JAK2: variants seen among roughly 807,000 people sequenced by gnomAD.
JAK2 encodes the protein tyrosine-protein kinase JAK2.
A neutral mutation model predicts 139.3 loss-of-function variants in JAK2; 86 were observed. The observed-to-expected ratio is 0.62, with a 90% confidence interval of 0.52 to 0.74. JAK2 has a LOEUF of 0.74. Ranked by LOEUF, JAK2 falls within the 30% of genes least tolerant of loss-of-function variation. The pLI is 0.00. For missense variants in JAK2, 1,421 were observed against 1,360.3 expected, an observed-to-expected ratio of 1.04 and a Z score of -0.70; for synonymous variants, 490 against 437.7, an observed-to-expected ratio of 1.12 and a Z score of -1.49.
rs1237995007 is a variant in JAK2, at chr9:5,099,416, G to C, written c.3059+8505G>C. 3 of 152,082 alleles carry C rather than the reference G, an allele frequency of 2.0e-5. No homozygotes were observed. In the East Asian group the frequency reaches 5.8e-4, roughly 29 times the overall value. 9.4% of individuals were successfully genotyped at this position (152,082 alleles called of 1,614,324 possible). ...CTCTCTGCAGTGAATGCCTCAACTAGATACTTCCACATGATCCATTATTAT... is the reference window on the plus strand; with the variant it reads ...CTCTCTGCAGTGAATGCCTCAACTACATACTTCCACATGATCCATTATTAT... On this transcript the variant is annotated intron_variant, in intron 22 of 24. Coordinates refer to ENST00000381652, the MANE Select transcript of JAK2 (RefSeq NM_004972.4).
At chr9:5,119,336 C>T (rs1158413303) in intron 22 of JAK2, among the ~76,000 whole-genome samples, 2 of 151,818 alleles carry the variant, frequency 1.3e-5, no homozygotes, top group African/African-American at 4.8e-5. Context: ...GAAGCATATC[C>T]AGAGGTCCTC....
intron 22 of JAK2, among the ~76,000 whole-genome samples, chr9:5,120,301 G>T (rs1185220220): frequency 1.3e-5 from 2 of 152,190 alleles, no homozygotes; most frequent in African/African-American, 4.8e-5. Context: ...TCTCTTAAAG[G>T]CCCCACCTGT....
Position 5,085,753 on chromosome 9 carries a change from C to T in JAK2, c.2571+3892C>T, listed in dbSNP as rs963974826. The T allele has an allele frequency of 2.4e-5, 18 of 755,140 alleles. No individual in the cohort carries two copies. In the Admixed American group the frequency reaches 3.0e-4, roughly 12 times the overall value. 46.8% of individuals were successfully genotyped at this position (755,140 alleles called of 1,614,324 possible). ...ATTAAGGCTGTGGCGCGCTGGCTAG[C>T]TTGCACATGTCGGGAGTTATTATGA... On this transcript the variant is annotated intron_variant, in intron 19 of 24. Transcript: ENST00000381652.
At chr9:5,007,724 T>C (rs1370635277) in intron 2 of JAK2, among the ~76,000 whole-genome samples, 1 of 147,394 alleles carries the variant, frequency 6.8e-6, no homozygotes, top group Non-Finnish European at 1.5e-5. Flanking sequence ...TATTATATTG[T>C]CTTTTTTTTT....
chr9:5,059,516 A>G (rs1367369678), intron 8 of JAK2, among the ~76,000 whole-genome samples: 1 of 152,144 alleles, frequency 6.6e-6, no homozygotes, highest in Non-Finnish European at 1.5e-5. Flanking sequence ...TAAATTTACC[A>G]TGAACATTCT....
chr9:5,116,810 T>C (rs1823225222), intron 22 of JAK2, among the ~76,000 whole-genome samples: 1 of 152,200 alleles, frequency 6.6e-6, no homozygotes, highest in Admixed American at 6.5e-5. Flanking sequence ...CCATAGTCCC[T>C]TCAAGAGCTC....
At chr9:5,060,786 G>T (rs1398174853) in intron 8 of JAK2, among the ~76,000 whole-genome samples, 9 of 152,114 alleles carry the variant, frequency 5.9e-5, no homozygotes, top group Admixed American at 5.9e-4. Context: ...ATCAAGAATG[G>T]TGAATCCTTT....
intron 22 of JAK2, among the ~76,000 whole-genome samples, chr9:5,116,037 TC>T (rs1823136496): frequency 6.6e-6 from 1 of 151,872 alleles, no homozygotes; most frequent in African/African-American, 2.4e-5. Context: ...TGCACATGTA[TC>T]CCAAAACTTA....
intron 23 of JAK2, among the ~76,000 whole-genome samples, chr9:5,125,529 A>C (rs1337013007): frequency 6.6e-6 from 1 of 151,380 alleles, no homozygotes; most frequent in Non-Finnish European, 1.5e-5. Context: ...CTTAGAATAA[A>C]AGTATAAGTA....
chr9:4,986,356 G>C (rs1304718699), intron 2 of JAK2, among the ~76,000 whole-genome samples: 1 of 152,194 alleles, frequency 6.6e-6, no homozygotes. Context: ...AGCAATAAGA[G>C]ATAGCTTTTG....
At chr9:5,070,877 G>A (rs571259577) in intron 12 of JAK2, among the ~76,000 whole-genome samples, 21 of 152,168 alleles carry the variant, frequency 1.4e-4, no homozygotes, top group African/African-American at 4.8e-4. Flanking sequence ...AATTTAAAAG[G>A]GCCAGGTCTC....
At chr9:5,025,759 T>G (rs1288041182) in intron 3 of JAK2, among the ~76,000 whole-genome samples, 3 of 152,178 alleles carry the variant, frequency 2.0e-5, no homozygotes, top group Non-Finnish European at 4.4e-5. Context: ...CTCAAACTCC[T>G]GACTTCAGGT....
In JAK2 at chr9:5,054,746, C is replaced by T. The variant is rs746680840; in HGVS notation, c.798C>T (p.Tyr266=). Residue 266 remains tyrosine, a synonymous_variant, in exon 7 of 25, where the codon TAC becomes TAT. Transcript: ENST00000381652. The surrounding 1 kb of genome is among the most constrained non-coding windows in gnomAD (Gnocchi z 4.9). ...TGGAAACTCTGCAGTCTGCCTTCTA[C>T]ACAGAGAAATTTGAAGTAAAAGAAC... ...INLETLQSAF[Y]TEKFEVKEPG... 2 of 1,613,254 alleles carry T rather than the reference C, an allele frequency of 1.2e-6. No individual in the cohort carries two copies. Among genetic ancestry groups the T allele is most frequent in the East Asian group, 2.2e-5 (1 of 44,854 alleles).
intron 2 of JAK2, among the ~76,000 whole-genome samples, chr9:5,003,626 C>T (rs1436609113): frequency 6.6e-6 from 1 of 152,082 alleles, no homozygotes; most frequent in African/African-American, 2.4e-5. Context: ...AAATTTCCTA[C>T]ATATACAGAC....
chr9:5,020,001 T>C (rs1008657994), intron 2 of JAK2, among the ~76,000 whole-genome samples: 2 of 152,172 alleles, frequency 1.3e-5, no homozygotes, highest in African/African-American at 4.8e-5. Flanking sequence ...GTCCAGGCAG[T>C]CCAATTTTTG....
intron 11 of JAK2, 35 bp from the exon 12 acceptor site, chr9:5,069,890 T>C (rs745411122): frequency 7.0e-7 from 1 of 1,424,824 alleles, no homozygotes; most frequent in Non-Finnish European, 9.7e-7. Context: ...TTTCAGTGTA[T>C]TTTGAAGTGA....
chr9:5,041,580 C>T (rs1816519382), intron 4 of JAK2: 4 of 504,824 alleles, frequency 7.9e-6, no homozygotes, highest in South Asian at 1.6e-5. Context: ...GCACTACGTG[C>T]GGCGCCTGGA....
At position 5,122,500 on chromosome 9, in the gene JAK2, T is replaced by C. The variant is rs573024228; in HGVS notation, c.3060-504T>C. Among the ~76,000 whole-genome samples the C allele has an allele frequency of 6.6e-5, 10 of 152,256 alleles. No individual in the cohort carries two copies. The South Asian group carries it at 2.1e-3, about 32-fold the overall frequency. On this transcript the variant is annotated intron_variant, in intron 22 of 24. Coordinates refer to ENST00000381652, the MANE Select transcript of JAK2 (RefSeq NM_004972.4). The stretch of plus-strand genomic sequence containing the variant: ...TATTTTCACTTCTTAGAAGGTACTC[T>C]GCAGTTAACCTTGGTGCTGTCTACA...
chr9:5,103,454 T>A (rs1206873779), intron 22 of JAK2, among the ~76,000 whole-genome samples: 2 of 151,858 alleles, frequency 1.3e-5, no homozygotes, highest in African/African-American at 4.8e-5. Flanking sequence ...AGACTTAGAC[T>A]CCCACACAAT....
Sources: allele counts gnomAD v4.1 joint callset (sites outside exome capture counted in the v4.1 genomes callset), GRCh38; gene constraint gnomAD v4.1.1; non-coding constraint Gnocchi (gnomAD v3.1); transcripts MANE v1.5; gene names NCBI Gene and HGNC (gene_info 2026-07-23, HGNC 2026-07-21).